SHROOM3: variants seen among roughly 807,000 people sequenced by gnomAD.
SHROOM3 encodes protein Shroom3.
In SHROOM3, 47 loss-of-function variants were observed where a neutral mutation model predicts 138.6. The observed-to-expected ratio is 0.34, with a 90% CI of 0.27 to 0.43. SHROOM3 has a LOEUF of 0.43. Among genes scored for constraint, SHROOM3 ranks in the 20% least tolerant of loss-of-function variants. The pLI is 1.00. For missense variants in SHROOM3, 2,491 were observed against 2,596.5 expected, an observed-to-expected ratio of 0.96 and a Z score of 0.88; for synonymous variants, 1,062 against 1,063.3, an observed-to-expected ratio of 1.00 and a Z score of 0.02.
chr4:76,740,770 A>T lies in SHROOM3; in HGVS notation c.2597A>T (p.Gln866Leu). The change falls in exon 5 of 11, where the codon CAG (glutamine) becomes CTG (leucine). Residue 866 changes from glutamine (Q) to leucine (L), a missense_variant. Gln to Leu is a moderately radical substitution (Grantham distance 113, BLOSUM62 -2). Transcript: ENST00000296043. This position sits in a 1 kb window ranked among gnomAD's most constrained non-coding sequence, Gnocchi z 4.0. ...EEASRQPCGQ[Q>L]LSGGASDSGR... The stretch of plus-strand genomic sequence containing the variant: ...GCTTCCCGGCAGCCCTGCGGTCAGC[A>T]GCTGAGCGGAGGAGCGTCGGACAGC... 1 of 1,612,696 alleles carries T rather than the reference A, an allele frequency of 6.2e-7. No individual in the cohort carries two copies. Among genetic ancestry groups the T allele is most frequent in the Non-Finnish European group, 8.5e-7 (1 of 1,179,928 alleles).
chr4:76,693,611 T>C (rs1719635602), intron 2 of SHROOM3, among the ~76,000 whole-genome samples: 2 of 152,000 alleles, frequency 1.3e-5, no homozygotes, highest in South Asian at 4.2e-4. Flanking sequence ...GGTCTCAATC[T>C]CTTGACCTCG....
intron 2 of SHROOM3, among the ~76,000 whole-genome samples, chr4:76,683,212 G>A (rs1210162080): frequency 6.6e-6 from 1 of 152,062 alleles, no homozygotes; most frequent in Non-Finnish European, 1.5e-5. Context: ...CATCTATTAT[G>A]TGTTTTATTT....
At chr4:76,541,625 G>C (rs11724031) in intron 1 of SHROOM3, among the ~76,000 whole-genome samples, 1 of 148,558 alleles carries the variant, frequency 6.7e-6, no homozygotes, top group Admixed American at 6.7e-5. Flanking sequence ...ATATGTGGGC[G>C]CACACACACA....
intron 2 of SHROOM3, among the ~76,000 whole-genome samples, chr4:76,630,362 CAGAG>C (rs777250797): frequency 2.5e-4 from 38 of 152,162 alleles, no homozygotes; most frequent in Middle Eastern, 3.2e-3. Flanking sequence ...AAGGTGATAA[CAGAG>C]AGGTAAAGTC....
chr4:76,744,579 A>G (rs1332803453), intron 5 of SHROOM3, among the ~76,000 whole-genome samples: 1 of 152,244 alleles, frequency 6.6e-6, no homozygotes, highest in East Asian at 1.9e-4. Flanking sequence ...TATTGTGGTT[A>G]TTATATACAT....
chr4:76,752,452 C>T (rs2110142223), intron 6 of SHROOM3, among the ~76,000 whole-genome samples: 1 of 150,888 alleles, frequency 6.6e-6, no homozygotes, highest in South Asian at 2.1e-4. Flanking sequence ...TTTCTAACCA[C>T]AATTTTTTAA....
intron 1 of SHROOM3, among the ~76,000 whole-genome samples, chr4:76,470,541 G>T (rs1194403071): frequency 2.0e-5 from 3 of 152,036 alleles, no homozygotes; most frequent in African/African-American, 7.2e-5. Context: ...CTTTTTTGAT[G>T]GGGTGAGAGT....
Position 76,576,147 on chromosome 4 carries a change from G to T in SHROOM3, c.323+20384G>T, listed in dbSNP as rs563209781. 9.2e-5 allele frequency among the ~76,000 whole-genome samples: 14 copies of T among 152,270 alleles called. 1 individual carries two copies. The South Asian group carries it at 2.9e-3, about 32-fold the overall frequency. The stretch of plus-strand genomic sequence containing the variant: ...TACGATCCAGCAATCCCACTATGGG[G>T]TATATACCCCAAAGAAAGGAAATCA... On this transcript the variant is annotated intron_variant, in intron 2 of 10. Transcript: ENST00000296043.
intron 1 of SHROOM3, among the ~76,000 whole-genome samples, chr4:76,508,618 T>G (rs1367304860): frequency 6.6e-6 from 1 of 152,250 alleles, no homozygotes; most frequent in Non-Finnish European, 1.5e-5. Context: ...GGATTACATT[T>G]AATCTGTAGA....
intron 2 of SHROOM3, among the ~76,000 whole-genome samples, chr4:76,572,384 TAA>T (rs879633196): frequency 3.9e-5 from 6 of 152,174 alleles, no homozygotes; most frequent in Non-Finnish European, 7.3e-5. Flanking sequence ...GTGATCTTAA[TAA>T]AGGCTGACCT....
chr4:76,755,126 C>T lies in SHROOM3; in HGVS notation c.4643C>T (p.Pro1548Leu), dbSNP rs1232846336. 6.2e-7 allele frequency: 1 copy of T among 1,609,662 alleles called. No homozygotes were observed. The highest frequency in any genetic ancestry group is 1.7e-5 in the Admixed American group (1 of 59,702). ...TPVYSMDDFPPPPPHTVCEAQ... is the reference protein window; with the variant it reads ...TPVYSMDDFPLPPPHTVCEAQ... ...GTGTATAGCATGGATGACTTCCCTC[C>T]ACCTCCTCCCCACACTGTATGTGAG... is the stretch of plus-strand genomic sequence containing the variant. Residue 1548 changes from proline to leucine, a missense_variant, in exon 7 of 11, where the codon CCA becomes CTA. By Grantham distance (98) the Pro-to-Leu change is moderately conservative. Coordinates refer to ENST00000296043, the MANE Select transcript of SHROOM3 (RefSeq NM_020859.4).
intron 1 of SHROOM3, among the ~76,000 whole-genome samples, chr4:76,515,893 G>A (rs1413374665): frequency 6.6e-6 from 1 of 152,300 alleles, no homozygotes; most frequent in African/African-American, 2.4e-5. Flanking sequence ...ATTAATTTGA[G>A]ATATTAGGCA....
At chr4:76,565,805 G>C (rs1025226623) in intron 2 of SHROOM3, among the ~76,000 whole-genome samples, 11 of 152,114 alleles carry the variant, frequency 7.2e-5, no homozygotes, top group Non-Finnish European at 1.0e-4. Flanking sequence ...GTGTAGCCCT[G>C]TATTGGAAAC....
chr4:76,501,510 T>A (rs933213967), intron 1 of SHROOM3, among the ~76,000 whole-genome samples: 2 of 152,102 alleles, frequency 1.3e-5, no homozygotes, highest in African/African-American at 4.8e-5. Flanking sequence ...TTTAAAGTCC[T>A]TAGGAATTTC....
Position 76,448,747 on chromosome 4 carries a change from T to C in SHROOM3, c.168+12527T>C, listed in dbSNP as rs546749613. 2.0e-5 allele frequency among the ~76,000 whole-genome samples: 3 copies of C among 152,328 alleles called. No homozygotes were observed. In the South Asian group the frequency reaches 6.2e-4, roughly 32 times the overall value. Reference sequence around the variant, plus strand: ...GAAGTCTTGTCTCAGGGTCTGTTTCTGAGGAAATCCAAACTAAGATGACCA... The same window carrying C: ...GAAGTCTTGTCTCAGGGTCTGTTTCCGAGGAAATCCAAACTAAGATGACCA... On this transcript the variant is annotated intron_variant, in intron 1 of 10. Transcript: ENST00000296043.
intron 9 of SHROOM3, among the ~76,000 whole-genome samples, chr4:76,764,397 G>C (rs1338645964): frequency 6.6e-6 from 1 of 152,186 alleles, no homozygotes; most frequent in South Asian, 2.1e-4. Context: ...AAGGCAAAAG[G>C]AATCTATTGT....
intron 2 of SHROOM3, among the ~76,000 whole-genome samples, chr4:76,652,079 T>A (rs1735974061): frequency 6.6e-6 from 1 of 152,230 alleles, no homozygotes; most frequent in Admixed American, 6.5e-5. Context: ...TGTTCTAGGA[T>A]GAATTAAGTG....
Position 76,730,921 on chromosome 4 carries a change from A to G in SHROOM3, c.573A>G (p.Gln191=), listed in dbSNP as rs1480259868. ...SQGMIGPPWH[Q]SYHSSSSTSD... is the part of the protein sequence containing the mutation. The stretch of plus-strand genomic sequence containing the variant: ...GTATGATCGGCCCTCCTTGGCACCA[A>G]AGCTACCATTCCAGGTAAGTGGCTA... Residue 191 remains glutamine (Q), a synonymous_variant, in exon 4 of 11, where the codon CAA becomes CAG. Coordinates refer to ENST00000296043, the MANE Select transcript of SHROOM3 (RefSeq NM_020859.4). 6.2e-7 allele frequency: 1 copy of G among 1,613,962 alleles called. No homozygotes were observed. Among genetic ancestry groups the G allele is most frequent in the African/African-American group, 1.3e-5 (1 of 74,908 alleles).
At chr4:76,565,159 TCAAA>T (rs1221546064) in intron 2 of SHROOM3, among the ~76,000 whole-genome samples, 9 of 75,664 alleles carry the variant, frequency 1.2e-4, no homozygotes, top group African/African-American at 1.0e-4. Flanking sequence ...AGACTCCATT[TCAAA>T]AAAAAAAAAA....
Sources: allele counts gnomAD v4.1 joint callset (sites outside exome capture counted in the v4.1 genomes callset), GRCh38; gene constraint gnomAD v4.1.1; non-coding constraint Gnocchi (gnomAD v3.1); transcripts MANE v1.5; gene names NCBI Gene and HGNC (gene_info 2026-07-23, HGNC 2026-07-21).